MYH9: variants seen among roughly 807,000 people sequenced by gnomAD.
The protein encoded by MYH9 is myosin-9.
In MYH9, 29 loss-of-function variants were observed where a neutral mutation model predicts 241.9. That is an observed-to-expected ratio of 0.12 (90% confidence interval 0.09 to 0.16). The LOEUF (loss-of-function observed/expected upper bound fraction) is 0.16. Among genes scored for constraint, MYH9 ranks in the 10% least tolerant of loss-of-function variants. The pLI, the probability that MYH9 is intolerant of heterozygous loss-of-function variation, is 1.00. For missense variants in MYH9, 1,803 were observed against 2,595.5 expected (o/e 0.69, Z 6.63); for synonymous variants, 1,047 against 1,062.6 (o/e 0.99, Z 0.29).
chr22:36,383,345 C>G (rs1176942863), intron 1 of MYH9, among the ~76,000 whole-genome samples: 3 of 152,192 alleles, frequency 2.0e-5, no homozygotes. Flanking sequence ...ATCTCCCAGA[C>G]CACAGGAAAC....
chr22:36,324,922 A>G (rs1460925259), intron 5 of MYH9: 1 of 615,020 alleles, frequency 1.6e-6, no homozygotes, highest in African/African-American at 1.8e-5. Context: ...CCCAGATGTA[A>G]GGCATATGAT....
intron 15 of MYH9, among the ~76,000 whole-genome samples, chr22:36,308,573 C>T (rs1016176430): frequency 2.0e-5 from 3 of 152,124 alleles, no homozygotes; most frequent in South Asian, 2.1e-4. Flanking sequence ...TTGAATGTGA[C>T]GTCTCCAAAT....
intron 3 of MYH9, among the ~76,000 whole-genome samples, chr22:36,335,562 G>A (rs2017485728): frequency 6.6e-6 from 1 of 152,216 alleles, no homozygotes; most frequent in Non-Finnish European, 1.5e-5. Context: ...CTGAGCCTCT[G>A]CCAAACATGG....
intron 21 of MYH9, 76 bp downstream of exon 21, chr22:36,301,458 C>T (rs1045259589): frequency 2.5e-5 from 39 of 1,591,594 alleles, no homozygotes; most frequent in South Asian, 8.8e-5. Context: ...TCCAGCATGC[C>T]GTGCCTACCG....
intron 1 of MYH9, among the ~76,000 whole-genome samples, chr22:36,373,994 G>C (rs1190681616): frequency 6.6e-6 from 1 of 151,722 alleles, no homozygotes; most frequent in Non-Finnish European, 1.5e-5. Flanking sequence ...ATGAGGTGCA[G>C]GGCAAATCTG....
At chr22:36,314,805 T>G (rs769853092) in intron 12 of MYH9, among the ~76,000 whole-genome samples, 11 of 152,048 alleles carry the variant, frequency 7.2e-5, no homozygotes, top group Non-Finnish European at 1.0e-4. Flanking sequence ...CACACTATGG[T>G]ACATGGCTAA....
At chr22:36,368,615 C>T (rs1175067657) in intron 1 of MYH9, among the ~76,000 whole-genome samples, 2 of 152,196 alleles carry the variant, frequency 1.3e-5, no homozygotes, top group Non-Finnish European at 2.9e-5. Flanking sequence ...TGCTACCAAT[C>T]CCCTCCAGCA....
intron 3 of MYH9, among the ~76,000 whole-genome samples, chr22:36,336,844 C>A (rs1056009655): frequency 4.6e-5 from 7 of 152,240 alleles, no homozygotes; most frequent in African/African-American, 1.7e-4. Context: ...CCACAAATCT[C>A]TGTCTATAAA....
chr22:36,282,867 T>A lies in MYH9; in HGVS notation c.5766-82A>T, dbSNP rs143762624. Reference sequence around the variant, plus strand: ...ACAGCACAGCCCACACATCTCAAAGTGAATTCGAGAGGGAAACCAGGTGCC... The same window carrying A: ...ACAGCACAGCCCACACATCTCAAAGAGAATTCGAGAGGGAAACCAGGTGCC... On this transcript the variant is annotated intron_variant, in intron 40 of 40. Transcript: ENST00000216181. The A allele has an allele frequency of 6.8e-3, 8,571 of 1,262,792 alleles. 42 individuals are homozygous for A. The highest frequency in any genetic ancestry group is 9.7e-3 in the Middle Eastern group (38 of 3,912). The allele number at this position is 1,262,792 out of a possible 1,614,324, so 78.2% of individuals were successfully genotyped here.
chr22:36,341,277 T>C (rs1227024002), intron 3 of MYH9, 93 bp downstream of exon 3: 40 of 1,499,954 alleles, frequency 2.7e-5, no homozygotes, highest in Non-Finnish European at 3.6e-5. Flanking sequence ...ACTAGATCAA[T>C]GTGGCACCAA....
intron 24 of MYH9, chr22:36,297,282 C>A (rs1367854764): frequency 3.9e-6 from 2 of 514,708 alleles, no homozygotes; most frequent in Non-Finnish European, 7.0e-6. Flanking sequence ...TTGTAATTCC[C>A]TTGGTTCCCT....
chr22:36,367,820 C>T (rs1326870396), intron 1 of MYH9, among the ~76,000 whole-genome samples: 2 of 152,230 alleles, frequency 1.3e-5, no homozygotes, highest in Admixed American at 1.3e-4. Context: ...CAGATTTGGG[C>T]CAATGCCATC....
chr22:36,368,961 C>T (rs1441126329), intron 1 of MYH9, among the ~76,000 whole-genome samples: 1 of 152,066 alleles, frequency 6.6e-6, no homozygotes, highest in African/African-American at 2.4e-5. Flanking sequence ...GTCATTAAAG[C>T]CTGTGACCTG....
intron 28 of MYH9, 73 bp downstream of exon 28, chr22:36,294,019 T>G (rs1356545710): frequency 1.9e-6 from 3 of 1,548,362 alleles, no homozygotes; most frequent in African/African-American, 1.4e-5. Flanking sequence ...AGAGCACACA[T>G]GCACCTGGGG....
intron 3 of MYH9, among the ~76,000 whole-genome samples, chr22:36,332,326 G>A (rs1026396337): frequency 6.6e-6 from 1 of 152,224 alleles, no homozygotes; most frequent in East Asian, 1.9e-4. Context: ...TATTAGCAGA[G>A]GCTGCAGATC....
Position 36,329,738 on chromosome 22 carries a change from C to T in MYH9, c.491-2250G>A, listed in dbSNP as rs1324689129. Among the ~76,000 whole-genome samples the T allele has an allele frequency of 6.6e-6, 1 of 152,192 alleles. No homozygotes were observed. The highest frequency in any genetic ancestry group is 1.5e-5 in the Non-Finnish European group (1 of 68,034). On this transcript the variant is annotated intron_variant, in intron 3 of 40. Coordinates refer to ENST00000216181, the MANE Select transcript of MYH9 (RefSeq NM_002473.6). This position sits in a 1 kb window ranked among gnomAD's most constrained non-coding sequence, Gnocchi z 4.1. ...TGCTGCTGAACAACAGGAAGCAGAG[C>T]CCCCAAACACACTCGAGGGCATGCA... is the stretch of plus-strand genomic sequence containing the variant.
intron 24 of MYH9, among the ~76,000 whole-genome samples, chr22:36,298,687 C>A (rs2016826420): frequency 6.6e-6 from 1 of 152,216 alleles, no homozygotes; most frequent in Admixed American, 6.5e-5. Context: ...GTGGGGGCAT[C>A]TAGCCACAGA....
intron 1 of MYH9, among the ~76,000 whole-genome samples, chr22:36,361,930 C>A (rs373405421): frequency 1.3e-5 from 2 of 152,076 alleles, no homozygotes; most frequent in African/African-American, 2.4e-5. Context: ...ATTAGCCAGG[C>A]GTGATGGTGT....
intron 2 of MYH9, among the ~76,000 whole-genome samples, chr22:36,347,249 CT>C (rs2017691346): frequency 3.3e-5 from 5 of 152,030 alleles, no homozygotes; most frequent in Non-Finnish European, 7.4e-5. Context: ...CGCCCCTGAT[CT>C]GCTGCATGTG....
Sources: gnomAD v4.1 joint callset for allele counts (sites outside exome capture counted in the v4.1 genomes callset) on GRCh38, gnomAD v4.1.1 for gene constraint, Gnocchi (gnomAD v3.1) non-coding constraint, MANE v1.5 for transcripts, NCBI Gene and HGNC (gene_info 2026-07-23, HGNC 2026-07-21) for gene names.